ZMIZ1: variants seen among roughly 807,000 people sequenced by gnomAD.
The protein encoded by ZMIZ1 is zinc finger MIZ domain-containing protein 1.
In ZMIZ1, 17 loss-of-function variants were observed where a neutral mutation model predicts 113.9. That is an observed-to-expected ratio of 0.15 (90% CI 0.10 to 0.22). ZMIZ1 has a LOEUF of 0.22. ZMIZ1 is among the 10% of genes least tolerant of loss of function. The probability of loss-of-function intolerance (pLI) is 1.00; values close to 1 mark genes in which losing one functional copy is unlikely to be tolerated. For synonymous variants in ZMIZ1, 607 were observed against 603.1 expected, an observed-to-expected ratio of 1.01 and a Z score of -0.09; for missense variants, 1,059 against 1,477.8, an observed-to-expected ratio of 0.72 and a Z score of 4.65.
At chr10:79,070,032 A>T (rs1440348756) in intron 1 of ZMIZ1, among the ~76,000 whole-genome samples, 1 of 151,452 alleles carries the variant, frequency 6.6e-6, no homozygotes, top group Non-Finnish European at 1.5e-5. Context: ...CGTTGCAAAT[A>T]CGAAAGTAAT....
intron 20 of ZMIZ1, 115 bp from the exon 21 acceptor site, chr10:79,305,418 C>T (rs886697614): frequency 1.5e-6 from 2 of 1,305,148 alleles, no homozygotes; most frequent in African/African-American, 2.9e-5. Flanking sequence ...TCTCTTGTGC[C>T]TCCAGTAGTA....
Position 79,304,094 on chromosome 10 carries a change from C to T in ZMIZ1, c.2205C>T (p.Ala735=). The part of the protein sequence containing the change: ...LNGEDGVEQT[A]IKVSLKCPIT... ...GGGAGGATGGGGTGGAGCAGACGGC[C>T]ATCAAGGTGTCTCTGAAGTGCCCCA... Residue 735 remains alanine, a synonymous_variant, in exon 19 of 25, where the codon GCC becomes GCT. Transcript: ENST00000334512. 1 of 1,614,236 alleles carries T rather than the reference C, an allele frequency of 6.2e-7. No individual in the cohort carries two copies. The highest frequency in any genetic ancestry group is 8.5e-7 in the Non-Finnish European group (1 of 1,180,054).
intron 7 of ZMIZ1, among the ~76,000 whole-genome samples, chr10:79,272,475 G>A (rs942707448): frequency 1.3e-5 from 2 of 152,234 alleles, no homozygotes; most frequent in Admixed American, 1.3e-4. Context: ...TGCCAGCTGA[G>A]GTCAGGAGAG....
rs530749242 is a variant in ZMIZ1 at position 79,198,104 on chromosome 10, A to G, written c.-49-3480A>G. Among the ~76,000 whole-genome samples, 161 of 152,198 alleles carry G rather than the reference A, an allele frequency of 1.1e-3. 1 individual carries two copies. Among genetic ancestry groups the G allele is most frequent in the Middle Eastern group, 3.4e-3 (1 of 294 alleles). On this transcript the variant is annotated intron_variant, in intron 4 of 24. Transcript: ENST00000334512. ...GAAACCCCATCTCTACTAAAAATAC[A>G]AAAAACTAGCCGGACGTGGTGGTGG...
chr10:79,112,754 G>C (rs532182773), intron 1 of ZMIZ1, among the ~76,000 whole-genome samples: 3 of 152,334 alleles, frequency 2.0e-5, no homozygotes, highest in African/African-American at 7.2e-5. Context: ...AGAGCAGCCT[G>C]ATTGTCCATG....
chr10:79,070,371 C>A (rs1842223103), intron 1 of ZMIZ1, among the ~76,000 whole-genome samples: 1 of 152,116 alleles, frequency 6.6e-6, no homozygotes, highest in Non-Finnish European at 1.5e-5. Flanking sequence ...GAGGGGCGGC[C>A]GCCTTCCCGG....
chr10:79,265,114 G>A (rs530311718), intron 7 of ZMIZ1, among the ~76,000 whole-genome samples: 5 of 152,276 alleles, frequency 3.3e-5, no homozygotes, highest in Admixed American at 2.0e-4. Flanking sequence ...GAGTTCACAC[G>A]CCTCGAGGCT....
chr10:79,086,220 G>A (rs373277879), intron 1 of ZMIZ1, among the ~76,000 whole-genome samples: 8 of 152,134 alleles, frequency 5.3e-5, no homozygotes, highest in African/African-American at 1.9e-4. Flanking sequence ...GACAGAATGC[G>A]TCTCCCCGCC....
At chr10:79,087,846 G>A (rs559919437) in intron 1 of ZMIZ1, among the ~76,000 whole-genome samples, 1 of 152,266 alleles carries the variant, frequency 6.6e-6, no homozygotes, top group Admixed American at 6.5e-5. Flanking sequence ...TAGGTCAAGC[G>A]GATTGGTCCT....
At chr10:79,107,974 T>G (rs1312385072) in intron 1 of ZMIZ1, among the ~76,000 whole-genome samples, 1 of 152,174 alleles carries the variant, frequency 6.6e-6, no homozygotes, top group Admixed American at 6.5e-5. Flanking sequence ...TCTTTCTGCC[T>G]GCCTGCCTTT....
At position 79,315,710 on chromosome 10, in the gene ZMIZ1, C is replaced by T. The variant is rs1855490751; in HGVS notation, c.*2961C>T. On this transcript the variant is annotated 3_prime_UTR_variant, in exon 25 of 25. Transcript: ENST00000334512. Reference sequence around the variant, plus strand: ...CTACAGGTCTGCTCCCGACGGGCCTCGGGCCTGACCCGTCCACACAGGGCC... The same window carrying T: ...CTACAGGTCTGCTCCCGACGGGCCTTGGGCCTGACCCGTCCACACAGGGCC... 6.5e-6 allele frequency: 1 copy of T among 152,826 alleles called. No homozygotes were observed. Among genetic ancestry groups the T allele is most frequent in the Non-Finnish European group, 1.5e-5 (1 of 68,052 alleles). The allele number at this position is 152,826 out of a possible 1,614,324, so 9.5% of individuals were successfully genotyped here.
intron 7 of ZMIZ1, 178 bp downstream of exon 7, chr10:79,216,452 C>T (rs778764689): frequency 3.3e-4 from 173 of 520,668 alleles, no homozygotes; most frequent in Non-Finnish European, 2.3e-4. Context: ...TGGGGCTGTC[C>T]TCGTGCCTCT....
intron 21 of ZMIZ1, among the ~76,000 whole-genome samples, chr10:79,305,880 C>T (rs1246285755): frequency 6.6e-6 from 1 of 152,226 alleles, no homozygotes; most frequent in Non-Finnish European, 1.5e-5. Context: ...TTGAGGCCAG[C>T]TGCCCTGTGC....
rs111353628 is a variant in ZMIZ1, at chr10:79,175,724, G to A, written c.-50+13591G>A. Among the ~76,000 whole-genome samples, 6 of 151,548 alleles carry A rather than the reference G, an allele frequency of 4.0e-5. No homozygotes were observed. In the South Asian group the frequency reaches 6.3e-4, roughly 16 times the overall value. Reference sequence around the variant, plus strand: ...CTGCCCATCCTTGGGCTGGGCTCAGGTTCCTCCCCACTCCCCATGGGCCAG... The same window carrying A: ...CTGCCCATCCTTGGGCTGGGCTCAGATTCCTCCCCACTCCCCATGGGCCAG... On this transcript the variant is annotated intron_variant, in intron 4 of 24. Transcript: ENST00000334512.
rs1183916187 is a variant in ZMIZ1 at position 79,305,555 on chromosome 10, C to T, written c.2377C>T (p.Leu793=). 1 of 1,614,004 alleles carries T rather than the reference C, an allele frequency of 6.2e-7. No homozygotes were observed. Among genetic ancestry groups the T allele is most frequent in the Non-Finnish European group, 8.5e-7 (1 of 1,180,008 alleles). ...CAGTAAAACCGCTCTGCTGGAGGGC[C>T]TGGAGGTGGATCAGTACATGTGGGG... ...VCNKTALLEG[L]EVDQYMWGIL... is the part of the protein sequence containing the mutation. The change falls in exon 21 of 25, where the codon CTG becomes TTG. Residue 793 remains leucine, a synonymous_variant. Transcript: ENST00000334512.
In ZMIZ1 at chr10:79,291,194, G is replaced by T; in HGVS notation, c.758+18G>T. ...GGGGCCAGGTGAGCAGGGCTGACCT[G>T]TGGCAGAAGCCATGGACGCCACCCC... On this transcript the variant is annotated intron_variant, in intron 10 of 24. Transcript: ENST00000334512. The T allele has an allele frequency of 1.9e-6, 3 of 1,583,842 alleles. No homozygotes were observed. The highest frequency in any genetic ancestry group is 2.6e-6 in the Non-Finnish European group (3 of 1,160,578).
chr10:79,134,253 C>T (rs1282031617), intron 2 of ZMIZ1, among the ~76,000 whole-genome samples: 2 of 152,166 alleles, frequency 1.3e-5, no homozygotes, highest in Non-Finnish European at 2.9e-5. Flanking sequence ...CTGGGAGGAA[C>T]CTGTGGCTCA....
At chr10:79,103,047 G>A (rs886340478) in intron 1 of ZMIZ1, among the ~76,000 whole-genome samples, 3 of 152,166 alleles carry the variant, frequency 2.0e-5, no homozygotes, top group African/African-American at 4.8e-5. Context: ...AATGTCGAGC[G>A]ATGTGTTACG....
At chr10:79,115,681 G>C (rs1405054213) in intron 1 of ZMIZ1, among the ~76,000 whole-genome samples, 1 of 152,230 alleles carries the variant, frequency 6.6e-6, no homozygotes, top group Admixed American at 6.5e-5. Context: ...TTTCCCCAGA[G>C]ACCACATATC....
Sources: gnomAD v4.1 joint callset for allele counts (sites outside exome capture counted in the v4.1 genomes callset) on GRCh38, gnomAD v4.1.1 for gene constraint, MANE v1.5 for transcripts, NCBI Gene and HGNC (gene_info 2026-07-23, HGNC 2026-07-21) for gene names.